Variants in SDK1 observed in about 807,000 individuals in gnomAD.
The protein encoded by SDK1 is sidekick cell adhesion molecule 1, also known as protein sidekick-1.
Under a neutral mutation model 245.5 loss-of-function variants are expected in SDK1, and 157 were observed. The ratio of observed to expected loss-of-function variants is 0.64; its 90% CI spans 0.56 to 0.73. The LOEUF (loss-of-function observed/expected upper bound fraction) is 0.73, where lower values mean the gene tolerates loss of function less well. SDK1 is among the 30% of genes least tolerant of loss of function. The pLI is 0.00. For missense variants in SDK1, 3,583 were observed against 3,002.3 expected (o/e 1.19, Z -4.52); for synonymous variants, 1,647 against 1,278.5 (o/e 1.29, Z -6.15).
At chr7:4,214,763 G>A (rs866551225) in intron 38 of SDK1, among the ~76,000 whole-genome samples, 13 of 152,162 alleles carry the variant, frequency 8.5e-5, no homozygotes, top group Non-Finnish European at 1.0e-4. Flanking sequence ...GACATGAGGC[G>A]TCCAGCCCCC....
rs894984885 is a variant in SDK1, at chr7:3,584,435, T to G, written c.299-34645T>G. Among the ~76,000 whole-genome samples the G allele has an allele frequency of 3.3e-5, 5 of 152,146 alleles. No homozygotes were observed. The East Asian group carries it at 9.7e-4, about 29-fold the overall frequency. On this transcript the variant is annotated intron_variant, in intron 1 of 44. Transcript: ENST00000404826. ...TGAGCTTTCACTTCGTTTCTGGACT[T>G]GGATAAAATGCTGCAAACAGGGTTG... is the stretch of plus-strand genomic sequence containing the variant.
At chr7:3,951,965 C>T (rs1425106642) in intron 7 of SDK1, 45 bp downstream of exon 7, 14 of 1,525,494 alleles carry the variant, frequency 9.2e-6, no homozygotes, top group South Asian at 1.2e-5. Context: ...TCTCAGATAG[C>T]ATCCGACACT....
At position 4,268,658 on chromosome 7, in the gene SDK1, T is replaced by C. The variant is rs1788617838; in HGVS notation, c.*3274T>C. The C allele has an allele frequency of 7.3e-7, 1 of 1,367,744 alleles. No individual in the cohort carries two copies. Among genetic ancestry groups the C allele is most frequent in the Non-Finnish European group, 9.8e-7 (1 of 1,021,988 alleles). 84.7% of individuals were successfully genotyped at this position (1,367,744 alleles called of 1,614,324 possible). ...GGTTCGTAGCATGGTTTTTATTTCT[T>C]ACGCATTCTTGGCACACAGTGTAGC... On this transcript the variant is annotated 3_prime_UTR_variant, in exon 45 of 45. Transcript: ENST00000404826.
At position 4,210,282 on chromosome 7, in the gene SDK1, G is replaced by C; in HGVS notation, c.5539+120G>C. On this transcript the variant is annotated intron_variant, in intron 38 of 44. Coordinates refer to ENST00000404826, the MANE Select transcript of SDK1 (RefSeq NM_152744.4). The stretch of plus-strand genomic sequence containing the variant: ...GGCCAGGAGCCTTCTGGCGCCTGAA[G>C]TGGGGGGTTTTGGAATCTGAGCTGG... 4 of 1,113,692 alleles carry C rather than the reference G, an allele frequency of 3.6e-6. No individual in the cohort carries two copies. The South Asian group carries it at 1.1e-4, about 29-fold the overall frequency. 69.0% of individuals were successfully genotyped at this position (1,113,692 alleles called of 1,614,324 possible). A position where few individuals can be genotyped will look rare whatever the true frequency, so the allele number is the denominator to read the frequency against.
intron 4 of SDK1, among the ~76,000 whole-genome samples, chr7:3,689,388 T>C (rs1273350499): frequency 6.6e-6 from 1 of 152,120 alleles, no homozygotes; most frequent in Non-Finnish European, 1.5e-5. Flanking sequence ...GCTACCATCC[T>C]GCCGTTATAA....
At position 4,265,222 on chromosome 7, in the gene SDK1, C is replaced by T. The variant is rs1351613847; in HGVS notation, c.6480C>T (p.Ala2160=). The T allele has an allele frequency of 1.9e-6, 3 of 1,609,472 alleles. No homozygotes were observed. The highest frequency in any genetic ancestry group is 2.5e-6 in the Non-Finnish European group (3 of 1,179,442). The stretch of plus-strand genomic sequence containing the variant: ...ACTACAACTCATGGAAGCGCAGGGC[C>T]CAGGGCCGCGCACCTGCGCCGCACA... ...PTYYNSWKRR[A]QGRAPAPHRY... is the part of the protein sequence containing the mutation. The change falls in exon 45 of 45, where the codon GCC becomes GCT. Residue 2160 remains alanine, a synonymous_variant. Transcript: ENST00000404826.
intron 1 of SDK1, among the ~76,000 whole-genome samples, chr7:3,504,256 T>A (rs1027942006): frequency 4.1e-5 from 6 of 147,220 alleles, no homozygotes; most frequent in Non-Finnish European, 6.0e-5. Flanking sequence ...TGGATGCTGC[T>A]GTTGTTGTCG....
At chr7:3,848,483 C>G (rs1158103426) in intron 5 of SDK1, among the ~76,000 whole-genome samples, 2 of 152,058 alleles carry the variant, frequency 1.3e-5, no homozygotes, top group Non-Finnish European at 2.9e-5. Flanking sequence ...TGGAGTCAGG[C>G]AGGCTTCTTG....
intron 22 of SDK1, among the ~76,000 whole-genome samples, chr7:4,105,933 G>A (rs983207993): frequency 6.6e-6 from 1 of 152,192 alleles, no homozygotes; most frequent in African/African-American, 2.4e-5. Context: ...AGTGCAGGCA[G>A]AGCCTAATGG....
At chr7:3,663,193 C>G (rs991811924) in intron 4 of SDK1, among the ~76,000 whole-genome samples, 2 of 152,088 alleles carry the variant, frequency 1.3e-5, no homozygotes, top group Non-Finnish European at 2.9e-5. Context: ...GGCTCTGACT[C>G]TTGTTTAAAA....
At chr7:3,972,800 A>C (rs1782593599) in intron 12 of SDK1, among the ~76,000 whole-genome samples, 1 of 152,138 alleles carries the variant, frequency 6.6e-6, no homozygotes, top group African/African-American at 2.4e-5. Flanking sequence ...CCATGTCGCC[A>C]CCCGACTCCC....
At chr7:3,955,905 C>A (rs768739615) in intron 7 of SDK1, among the ~76,000 whole-genome samples, 8 of 152,180 alleles carry the variant, frequency 5.3e-5, no homozygotes, top group Non-Finnish European at 1.2e-4. Context: ...CACCTCCTCT[C>A]CTGAGACTGG....
intron 1 of SDK1, among the ~76,000 whole-genome samples, chr7:3,479,804 G>T (rs1459764328): frequency 1.3e-5 from 2 of 151,576 alleles, no homozygotes; most frequent in Non-Finnish European, 2.9e-5. Flanking sequence ...AGAGGTTGAA[G>T]TGAGCCAAGA....
chr7:3,849,450 C>T (rs1583474417), intron 5 of SDK1, among the ~76,000 whole-genome samples: 1 of 152,082 alleles, frequency 6.6e-6, no homozygotes, highest in African/African-American at 2.4e-5. Flanking sequence ...AATTAGACTT[C>T]CTGGACATTT....
At chr7:3,771,078 G>T (rs1333919998) in intron 4 of SDK1, among the ~76,000 whole-genome samples, 1 of 152,024 alleles carries the variant, frequency 6.6e-6, no homozygotes, top group Non-Finnish European at 1.5e-5. Context: ...CAAATAGGTG[G>T]CTCTGCTGAT....
chr7:4,117,834 T>C (rs1446404409), intron 25 of SDK1, among the ~76,000 whole-genome samples: 3 of 152,234 alleles, frequency 2.0e-5, no homozygotes, highest in African/African-American at 4.8e-5. Context: ...ACTCCTGCAG[T>C]TGAGACACGG....
chr7:3,872,018 C>G (rs6462407), intron 5 of SDK1, among the ~76,000 whole-genome samples: 48,140 of 152,072 alleles, frequency 0.32, 10,808 homozygotes, highest in African/African-American at 0.64. Context: ...TATGAACTTT[C>G]TCAAATCTTT....
chr7:3,767,379 A>G (rs996773537), intron 4 of SDK1, among the ~76,000 whole-genome samples: 7 of 152,186 alleles, frequency 4.6e-5, no homozygotes, highest in African/African-American at 1.7e-4. Context: ...ACACAAATAA[A>G]CAAAAAAGTG....
intron 40 of SDK1, chr7:4,227,209 AG>A (rs1045817842): frequency 3.1e-5 from 10 of 320,392 alleles, no homozygotes; most frequent in Admixed American, 2.1e-4. Flanking sequence ...GTTCAGCAAG[AG>A]GGGGCTGTTG....
Sources: allele counts gnomAD v4.1 joint callset (sites outside exome capture counted in the v4.1 genomes callset), GRCh38; gene constraint gnomAD v4.1.1; transcripts MANE v1.5; gene names NCBI Gene and HGNC (gene_info 2026-07-23, HGNC 2026-07-21).